NDC1: variants seen among roughly 807,000 people sequenced by gnomAD.
The protein encoded by NDC1 is NDC1 transmembrane nucleoporin.
NDC1 carries 24 observed loss-of-function variants against 89.8 expected under a neutral mutation model. The ratio of observed to expected loss-of-function variants is 0.27; its 90% CI spans 0.19 to 0.38. The LOEUF is 0.38. Among genes scored for constraint, NDC1 ranks in the 10% least tolerant of loss-of-function variants. The pLI is 1.00. For synonymous variants in NDC1, 296 were observed against 284.8 expected, an observed-to-expected ratio of 1.04 and a Z score of -0.39; for missense variants, 728 against 797.6, an observed-to-expected ratio of 0.91 and a Z score of 1.05.
At position 53,766,079 on chromosome 1, in the gene NDC1, A is replaced by T. The variant is rs1483543073; in HGVS notation, c.*1891T>A. The T allele has an allele frequency of 6.6e-6, 1 of 152,220 alleles. No homozygotes were observed. Among genetic ancestry groups the T allele is most frequent in the Non-Finnish European group, 1.5e-5 (1 of 68,040 alleles). The allele number at this position is 152,220 out of a possible 1,614,324, so 9.4% of individuals were successfully genotyped here. On this transcript the variant is annotated 3_prime_UTR_variant, in exon 18 of 18. Transcript: ENST00000371429. ...GTGGCCTGTATTTAGTACACAGCACATTCTCTTAAGAGAAAACAGGAATGA... is the reference window on the plus strand; with the variant it reads ...GTGGCCTGTATTTAGTACACAGCACTTTCTCTTAAGAGAAAACAGGAATGA...
rs1327466644 is a variant in NDC1, at chr1:53,766,840, A to T, written c.*1130T>A. On this transcript the variant is annotated 3_prime_UTR_variant, in exon 18 of 18. Transcript: ENST00000371429. ...TCAGTCCAAAGCCAGTCCAGTGAAT[A>T]TCTATGACTAGGATTTCCAATCTTT... 6.6e-6 allele frequency: 1 copy of T among 152,226 alleles called. No individual in the cohort carries two copies. The highest frequency in any genetic ancestry group is 1.5e-5 in the Non-Finnish European group (1 of 68,028). 9.4% of individuals were successfully genotyped at this position (152,226 alleles called of 1,614,324 possible).
chr1:53,768,811 T>C (rs1385854747), intron 17 of NDC1, among the ~76,000 whole-genome samples: 2 of 152,234 alleles, frequency 1.3e-5, no homozygotes, highest in East Asian at 1.9e-4. Context: ...GTACCTCCAA[T>C]TGAACCATTT....
At chr1:53,786,699 T>G (rs1647317915) in intron 16 of NDC1, among the ~76,000 whole-genome samples, 1 of 152,132 alleles carries the variant, frequency 6.6e-6, no homozygotes, top group African/African-American at 2.4e-5. Flanking sequence ...TATCTTTTAG[T>G]TTTGTTTTTT....
At chr1:53,836,485 C>T (rs985983621) in intron 1 of NDC1, among the ~76,000 whole-genome samples, 2 of 151,664 alleles carry the variant, frequency 1.3e-5, no homozygotes, top group Admixed American at 6.6e-5. Context: ...AAGTTGAACT[C>T]CTATCCCACA....
intron 14 of NDC1, among the ~76,000 whole-genome samples, chr1:53,790,092 T>A (rs1002133673): frequency 1.3e-5 from 2 of 151,262 alleles, no homozygotes; most frequent in Non-Finnish European, 2.9e-5. Flanking sequence ...TAGCTGGAAG[T>A]GGTGGCTCAC....
chr1:53,793,280 C>T lies in NDC1; in HGVS notation c.1585-1G>A. On this transcript the variant is annotated splice_acceptor_variant, in intron 13 of 17. Transcript: ENST00000371429. LOFTEE classifies it high-confidence loss of function. Reference sequence around the variant, plus strand: ...CCCGTTTTGACAAGAAATTCTTAATCTGAGTTGGAAAAAAGGAAGAATTAA... The same window carrying T: ...CCCGTTTTGACAAGAAATTCTTAATTTGAGTTGGAAAAAAGGAAGAATTAA... 4 of 1,606,852 alleles carry T rather than the reference C, an allele frequency of 2.5e-6. No individual in the cohort carries two copies. Among genetic ancestry groups the T allele is most frequent in the Non-Finnish European group, 3.4e-6 (4 of 1,173,524 alleles).
At chr1:53,782,907 T>C (rs913838026) in intron 16 of NDC1, among the ~76,000 whole-genome samples, 2 of 152,206 alleles carry the variant, frequency 1.3e-5, no homozygotes, top group Non-Finnish European at 2.9e-5. Flanking sequence ...TGTAATGCAG[T>C]AATTAAAAAC....
At chr1:53,831,416 C>T (rs549163667) in intron 3 of NDC1, among the ~76,000 whole-genome samples, 3 of 151,504 alleles carry the variant, frequency 2.0e-5, no homozygotes, top group South Asian at 4.2e-4. Context: ...CAGTGGCTCA[C>T]GCCTGTAATC....
At chr1:53,812,636 G>A (rs182076472) in intron 6 of NDC1, among the ~76,000 whole-genome samples, 45 of 152,278 alleles carry the variant, frequency 3.0e-4, no homozygotes, top group African/African-American at 1.1e-3. Flanking sequence ...AAGAATAATC[G>A]ATGTTCCTGA....
At chr1:53,775,406 G>A (rs1338179316) in intron 16 of NDC1, among the ~76,000 whole-genome samples, 6 of 151,890 alleles carry the variant, frequency 4.0e-5, no homozygotes, top group South Asian at 2.1e-4. Context: ...ACAGGCGCCC[G>A]CAACCACGCC....
chr1:53,817,076 T>C (rs2100676984), intron 6 of NDC1, among the ~76,000 whole-genome samples: 1 of 152,324 alleles, frequency 6.6e-6, no homozygotes, highest in South Asian at 2.1e-4. Context: ...TATGGAAAAG[T>C]GTGGAGATTC....
At position 53,837,957 on chromosome 1, in the gene NDC1, C is replaced by A. The variant is rs74084429; in HGVS notation, c.57+248G>T. On this transcript the variant is annotated intron_variant, in intron 1 of 17. Transcript: ENST00000371429. Reference sequence around the variant, plus strand: ...TCCGCCTCACTCCCTATTCCAATTTCCATTCAGTCCATCCGTCCCACTCTG... The same window carrying A: ...TCCGCCTCACTCCCTATTCCAATTTACATTCAGTCCATCCGTCCCACTCTG... Among the ~76,000 whole-genome samples the A allele has an allele frequency of 0.061, 9,354 of 152,308 alleles. 849 individuals carry two copies. The highest frequency in any genetic ancestry group is 0.2 in the African/African-American group (8,296 of 41,550).
intron 16 of NDC1, among the ~76,000 whole-genome samples, chr1:53,782,313 T>G (rs1647217490): frequency 6.6e-6 from 1 of 152,032 alleles, no homozygotes; most frequent in Non-Finnish European, 1.5e-5. Context: ...ATGTAATAAT[T>G]CAGGACAAAA....
At chr1:53,797,194 C>A (rs990724568) in intron 11 of NDC1, 50 bp from the exon 12 acceptor site, 1 of 1,579,636 alleles carries the variant, frequency 6.3e-7, no homozygotes, top group Admixed American at 1.8e-5. Flanking sequence ...TCCAAGCAGG[C>A]TAGCAGCAAC....
intron 13 of NDC1, among the ~76,000 whole-genome samples, chr1:53,793,484 C>T (rs1029243843): frequency 1.3e-5 from 2 of 152,192 alleles, no homozygotes; most frequent in African/African-American, 4.8e-5. Context: ...GATGAGCCAA[C>T]TAAACTGTAT....
Position 53,819,056 on chromosome 1 carries a change from C to T in NDC1, c.618G>A (p.Arg206=). 5 of 1,573,916 alleles carry T rather than the reference C, an allele frequency of 3.2e-6. No homozygotes were observed. Among genetic ancestry groups the T allele is most frequent in the Non-Finnish European group, 4.3e-6 (5 of 1,159,856 alleles). The change falls in exon 6 of 18, where the codon AGG becomes AGA. Residue 206 remains arginine (R), a synonymous_variant. Transcript: ENST00000371429. ...GTTTAACTAATAAGAGCAGAGATCT[C>T]CTAAAACGCAAGAACTTGTATTGCT... ...IIQQYKFLRF[R]RSLLLLVKHS...
chr1:53,812,218 A>T (rs1044949957), intron 6 of NDC1, among the ~76,000 whole-genome samples: 16 of 152,314 alleles, frequency 1.1e-4, no homozygotes, highest in African/African-American at 3.6e-4. Flanking sequence ...CCCCCAAAAA[A>T]AATCACACTA....
chr1:53,775,206 G>A (rs1045501663), intron 16 of NDC1, among the ~76,000 whole-genome samples: 26 of 152,130 alleles, frequency 1.7e-4, no homozygotes, highest in Admixed American at 6.6e-5. Flanking sequence ...TAATTTTGCT[G>A]AAGAAAGTAC....
chr1:53,820,041 G>A (rs1262184141), intron 5 of NDC1, among the ~76,000 whole-genome samples: 1 of 152,088 alleles, frequency 6.6e-6, no homozygotes, highest in Admixed American at 6.5e-5. Context: ...TGTCACTTGA[G>A]GTCAGGGGTT....
Sources: allele counts gnomAD v4.1 joint callset (sites outside exome capture counted in the v4.1 genomes callset), GRCh38; gene constraint gnomAD v4.1.1; transcripts MANE v1.5; gene names NCBI Gene and HGNC (gene_info 2026-07-23, HGNC 2026-07-21).